The following OTOP2 variants were observed in gnomAD, a reference collection of about 807,000 sequenced individuals.
OTOP2 encodes otopetrin 2.
Under a neutral mutation model 47.4 loss-of-function variants are expected in OTOP2, and 41 were observed. The ratio of observed to expected loss-of-function variants is 0.87; its 90% CI spans 0.67 to 1.12. The LOEUF (loss-of-function observed/expected upper bound fraction) is 1.12. Among genes scored for constraint, OTOP2 ranks in the 50% most tolerant of loss-of-function variants. The pLI, the probability that OTOP2 is intolerant of heterozygous loss-of-function variation, is 0.00. For missense variants in OTOP2, 721 were observed against 752.2 expected (o/e 0.96, Z 0.49); for synonymous variants, 328 against 319.6 (o/e 1.03, Z -0.28).
At chr17:74,928,256 GA>G (rs1367970179) in intron 5 of OTOP2, among the ~76,000 whole-genome samples, 9 of 152,054 alleles carry the variant, frequency 5.9e-5, no homozygotes, top group African/African-American at 1.9e-4. Flanking sequence ...GAGGAGGGAG[GA>G]TTGCTTGAGC....
chr17:74,932,220 C>T (rs2039066560), intron 6 of OTOP2, among the ~76,000 whole-genome samples: 1 of 152,102 alleles, frequency 6.6e-6, no homozygotes, highest in Non-Finnish European at 1.5e-5. Flanking sequence ...ACAATCCTTC[C>T]AGCTAGAACC....
chr17:74,933,433 A>G lies in OTOP2; in HGVS notation c.1577A>G (p.Asp526Gly). 6.2e-7 allele frequency: 1 copy of G among 1,614,082 alleles called. No homozygotes were observed. The highest frequency in any genetic ancestry group is 8.5e-7 in the Non-Finnish European group (1 of 1,179,936). The change falls in exon 7 of 7, where the codon GAT becomes GGT. Residue 526 changes from aspartate (D) to glycine (G), a missense_variant. Physicochemically the swap from Asp to Gly is moderately conservative, Grantham distance 94 (BLOSUM62 -1). Transcript: ENST00000331427. The surrounding 1 kb of genome is among the most constrained non-coding windows in gnomAD (Gnocchi z 4.7). The part of the protein sequence containing the change: ...RPHFSNTVEV[D>G]FYGYSLWAVI... Reference sequence around the variant, plus strand: ...CATTTCAGCAACACAGTGGAGGTGGATTTCTACGGCTACTCCCTCTGGGCG... The same window carrying G: ...CATTTCAGCAACACAGTGGAGGTGGGTTTCTACGGCTACTCCCTCTGGGCG...
chr17:74,930,203 A>T lies in OTOP2; in HGVS notation c.644-76A>T. 1 of 1,478,412 alleles carries T rather than the reference A, an allele frequency of 6.8e-7. No homozygotes were observed. The highest frequency in any genetic ancestry group is 9.0e-7 in the Non-Finnish European group (1 of 1,106,242). 91.6% of individuals were successfully genotyped at this position (1,478,412 alleles called of 1,614,324 possible). ...CGTCTCAAAACAAAACAAAAAAAAA[A>T]AGGTCACAGGCTAGGGGTGAGACCT... On this transcript the variant is annotated intron_variant, in intron 5 of 6. Transcript: ENST00000331427. This position sits in a 1 kb window ranked among gnomAD's most constrained non-coding sequence, Gnocchi z 4.0.
Position 74,930,283 on chromosome 17 carries a change from T to C in OTOP2, c.648T>C (p.His216=), listed in dbSNP as rs2039042676. 1.2e-6 allele frequency: 2 copies of C among 1,611,272 alleles called. No individual in the cohort carries two copies. The highest frequency in any genetic ancestry group is 8.5e-7 in the Non-Finnish European group (1 of 1,178,006). Residue 216 remains histidine (H), a synonymous_variant, in exon 6 of 7, where the codon CAT becomes CAC. Coordinates refer to ENST00000331427, the MANE Select transcript of OTOP2 (RefSeq NM_178160.3). This position sits in a 1 kb window ranked among gnomAD's most constrained non-coding sequence, Gnocchi z 4.0. Reference sequence around the variant, plus strand: ...CTGTGTCTCTCTCCACAACAGAGCATGCAGACAACCCGGTCGGAGGAGACT... The same window carrying C: ...CTGTGTCTCTCTCCACAACAGAGCACGCAGACAACCCGGTCGGAGGAGACT... ...ASHARLISDQ[H]ADNPVGGDSC...
At chr17:74,925,505 T>C (rs757309213) in intron 2 of OTOP2, 51 bp from the exon 3 acceptor site, 2 of 1,598,896 alleles carry the variant, frequency 1.3e-6, no homozygotes, top group Non-Finnish European at 1.7e-6. Flanking sequence ...GCAGGCCTTC[T>C]CTCCTGCCTC....
At chr17:74,928,576 C>T (rs1447494190) in intron 5 of OTOP2, among the ~76,000 whole-genome samples, 1 of 152,260 alleles carries the variant, frequency 6.6e-6, no homozygotes, top group East Asian at 1.9e-4. Context: ...TTAAACACTC[C>T]ATTTAACCCT....
Position 74,925,542 on chromosome 17 carries a change from C to T in OTOP2, c.314-14C>T. On this transcript the variant is annotated splice_polypyrimidine_tract_variant and intron_variant, in intron 2 of 6. Transcript: ENST00000331427. ...TTGATCCACCACCACCACCCACCCA[C>T]CCCTGGTTTCCAGGTGGGCTGGTGC... The T allele has an allele frequency of 6.2e-7, 1 of 1,613,060 alleles. No individual in the cohort carries two copies. The highest frequency in any genetic ancestry group is 8.5e-7 in the Non-Finnish European group (1 of 1,179,318).
chr17:74,925,282 C>A (rs2038997271), intron 2 of OTOP2, among the ~76,000 whole-genome samples: 1 of 152,078 alleles, frequency 6.6e-6, no homozygotes, highest in Non-Finnish European at 1.5e-5. Context: ...GGTATCCACA[C>A]AGCCCCAAAG....
rs766212981 is a variant in OTOP2 at position 74,933,349 on chromosome 17, C to G, written c.1519-26C>G. On this transcript the variant is annotated intron_variant, in intron 6 of 6. Transcript: ENST00000331427. This position sits in a 1 kb window ranked among gnomAD's most constrained non-coding sequence, Gnocchi z 4.7. ...CCACAGGCATCCATCCAGGCCAGCT[C>G]CTGAAATGCTCCTCTCTCCACACAG... is the stretch of plus-strand genomic sequence containing the variant. 5 of 1,582,150 alleles carry G rather than the reference C, an allele frequency of 3.2e-6. No individual in the cohort carries two copies. The South Asian group carries it at 5.7e-5, about 18-fold the overall frequency.
chr17:74,925,795 CCTGAG>C, intron 3 of OTOP2, 103 bp downstream of exon 3: 1 of 1,511,722 alleles, frequency 6.6e-7, no homozygotes, highest in Non-Finnish European at 9.0e-7. Flanking sequence ...CGCCTCGTAT[CCTGAG>C]CTATTAAGTA....
rs377071630 is a variant in OTOP2, at chr17:74,930,990, A to C, written c.1355A>C (p.Asp452Ala). The C allele has an allele frequency of 1.2e-6, 2 of 1,614,060 alleles. No homozygotes were observed. The highest frequency in any genetic ancestry group is 1.7e-6 in the Non-Finnish European group (2 of 1,180,016). Residue 452 changes from aspartate to alanine, a missense_variant, in exon 6 of 7, where the codon GAT becomes GCT. Physicochemically the swap from Asp to Ala is moderately radical, Grantham distance 126. Coordinates refer to ENST00000331427, the MANE Select transcript of OTOP2 (RefSeq NM_178160.3). This position sits in a 1 kb window ranked among gnomAD's most constrained non-coding sequence, Gnocchi z 4.0. ...PCQDLTFTNLDALHTLSACPP... is the reference protein window; with the variant it reads ...PCQDLTFTNLAALHTLSACPP... ...CAAGACCTCACCTTCACCAACCTGGATGCCCTCCACACGTTGTCCGCCTGC... is the reference window on the plus strand; with the variant it reads ...CAAGACCTCACCTTCACCAACCTGGCTGCCCTCCACACGTTGTCCGCCTGC...
At position 74,930,739 on chromosome 17, in the gene OTOP2, C is replaced by T. The variant is rs768778471; in HGVS notation, c.1104C>T (p.Asp368=). 3.7e-6 allele frequency: 6 copies of T among 1,614,120 alleles called. No homozygotes were observed. The highest frequency in any genetic ancestry group is 3.3e-5 in the South Asian group (3 of 91,090). The part of the protein sequence containing the change: ...DHHKNPTRTL[D]VALLMGAALG... ...ATAAGAACCCCACGCGCACTCTGGACGTGGCCCTGCTGATGGGTGCCGCCC... is the reference window on the plus strand; with the variant it reads ...ATAAGAACCCCACGCGCACTCTGGATGTGGCCCTGCTGATGGGTGCCGCCC... The change falls in exon 6 of 7, where the codon GAC becomes GAT. Residue 368 remains aspartate, a synonymous_variant. Coordinates refer to ENST00000331427, the MANE Select transcript of OTOP2 (RefSeq NM_178160.3). The surrounding 1 kb of genome is among the most constrained non-coding windows in gnomAD (Gnocchi z 4.0).
Position 74,924,661 on chromosome 17 carries a change from A to C in OTOP2, c.29A>C (p.Lys10Thr), listed in dbSNP as rs761859462. Residue 10 changes from lysine to threonine, a missense_variant, in exon 2 of 7, where the codon AAG becomes ACG. Physicochemically the swap from Lys to Thr is moderately conservative, Grantham distance 78 (BLOSUM62 -1). Coordinates refer to ENST00000331427, the MANE Select transcript of OTOP2 (RefSeq NM_178160.3). The surrounding 1 kb of genome is among the most constrained non-coding windows in gnomAD (Gnocchi z 7.7). ...TCCGAGGAGCTGGCCCAGGGCCCCA[A>C]GGAGAGCCCCCCGGCGCCGCGTGCG... MSEELAQGPKESPPAPRAGP... is the reference protein window; with the variant it reads MSEELAQGPTESPPAPRAGP... 1 of 1,590,534 alleles carries C rather than the reference A, an allele frequency of 6.3e-7. No homozygotes were observed. The highest frequency in any genetic ancestry group is 1.1e-5 in the South Asian group (1 of 88,640).
chr17:74,924,965 C>A lies in OTOP2; in HGVS notation c.313+20C>A. On this transcript the variant is annotated intron_variant, in intron 2 of 6. Coordinates refer to ENST00000331427, the MANE Select transcript of OTOP2 (RefSeq NM_178160.3). The surrounding 1 kb of genome is among the most constrained non-coding windows in gnomAD (Gnocchi z 7.7). Reference sequence around the variant, plus strand: ...TCCGAGGTGCCAGGGGAGGTGGGGGCGAGGTAGGGTGGGCACAACAGGGAG... The same window carrying A: ...TCCGAGGTGCCAGGGGAGGTGGGGGAGAGGTAGGGTGGGCACAACAGGGAG... 1 of 1,534,876 alleles carries A rather than the reference C, an allele frequency of 6.5e-7. No homozygotes were observed. Among genetic ancestry groups the A allele is most frequent in the East Asian group, 2.4e-5 (1 of 41,328 alleles).
chr17:74,930,851 C>T lies in OTOP2; in HGVS notation c.1216C>T (p.His406Tyr). The stretch of plus-strand genomic sequence containing the variant: ...CCTGCTGGCAGGGCTCAACCTCACC[C>T]ATGCACTGCTCATGATCGCCCAGCA... The part of the protein sequence containing the change: ...QDLLAGLNLT[H>Y]ALLMIAQHTF... Residue 406 changes from histidine (H) to tyrosine (Y), a missense_variant, in exon 6 of 7, where the codon CAT (histidine) becomes TAT (tyrosine). Coordinates refer to ENST00000331427, the MANE Select transcript of OTOP2 (RefSeq NM_178160.3). The surrounding 1 kb of genome is among the most constrained non-coding windows in gnomAD (Gnocchi z 4.0). 1.9e-6 allele frequency: 3 copies of T among 1,614,134 alleles called. No homozygotes were observed. The highest frequency in any genetic ancestry group is 2.5e-6 in the Non-Finnish European group (3 of 1,180,040).
intron 5 of OTOP2, among the ~76,000 whole-genome samples, chr17:74,928,637 A>G (rs2039030683): frequency 6.6e-6 from 1 of 152,238 alleles, no homozygotes. Context: ...GCATAGGTGC[A>G]GAAACTAAGG....
chr17:74,930,317 TG>T lies in OTOP2; in HGVS notation c.683del (p.Cys228SerfsTer87). On this transcript the variant is annotated frameshift_variant, in exon 6 of 7. Transcript: ENST00000331427. LOFTEE classifies it high-confidence loss of function. This position sits in a 1 kb window ranked among gnomAD's most constrained non-coding sequence, Gnocchi z 4.0. Reference sequence around the variant, plus strand: ...CCCGGTCGGAGGAGACTCCTGCCTCTGCAGCACGGCCGTCTGCCAGATCTTC... The same window carrying T: ...CCCGGTCGGAGGAGACTCCTGCCTCTCAGCACGGCCGTCTGCCAGATCTTC... ...DNPVGGDSCL[C>X]STAVCQIFQQ... 1 of 1,614,052 alleles carries T rather than the reference TG, an allele frequency of 6.2e-7. No homozygotes were observed. Among genetic ancestry groups the T allele is most frequent in the Non-Finnish European group, 8.5e-7 (1 of 1,179,956 alleles).
In OTOP2 at chr17:74,927,430, C is replaced by A. The variant is rs755058515; in HGVS notation, c.509+149C>A. ...CCTCCTTGCTTTGTCAGGCTGACTTCCACTACCTTGTGGGGCCCTTTCTCC... is the reference window on the plus strand; with the variant it reads ...CCTCCTTGCTTTGTCAGGCTGACTTACACTACCTTGTGGGGCCCTTTCTCC... On this transcript the variant is annotated intron_variant, in intron 4 of 6. Transcript: ENST00000331427. 4.4e-5 allele frequency: 48 copies of A among 1,100,654 alleles called. No homozygotes were observed. In the Admixed American group the frequency reaches 8.8e-4, roughly 20 times the overall value. 68.2% of individuals were successfully genotyped at this position (1,100,654 alleles called of 1,614,324 possible). A position where few individuals can be genotyped will look rare whatever the true frequency, so the allele number is the denominator to read the frequency against.
At chr17:74,931,480 C>A (rs1022799610) in intron 6 of OTOP2, among the ~76,000 whole-genome samples, 4 of 152,170 alleles carry the variant, frequency 2.6e-5, no homozygotes, top group African/African-American at 9.7e-5. Flanking sequence ...TCCTCACCCC[C>A]CAGTGGGAGG....
Sources: allele counts gnomAD v4.1 joint callset (sites outside exome capture counted in the v4.1 genomes callset), GRCh38; gene constraint gnomAD v4.1.1; non-coding constraint Gnocchi (gnomAD v3.1); transcripts MANE v1.5; gene names NCBI Gene and HGNC (gene_info 2026-07-23, HGNC 2026-07-21).